Variants in IQGAP2 observed in about 807,000 individuals in gnomAD.
IQGAP2 encodes the protein IQ motif containing GTPase activating protein 2.
A neutral mutation model predicts 201.3 loss-of-function variants in IQGAP2; 173 were observed. The ratio of observed to expected loss-of-function variants is 0.86; its 90% confidence interval spans 0.76 to 0.98. The LOEUF is 0.98. Among genes scored for constraint, IQGAP2 ranks in the 50% least tolerant of loss-of-function variants. The probability of loss-of-function intolerance (pLI) is 0.00; values close to 1 mark genes in which losing one functional copy is unlikely to be tolerated. For synonymous variants in IQGAP2, 675 were observed against 673.9 expected (o/e 1.00, Z -0.03); for missense variants, 1,687 against 1,864.8 (o/e 0.90, Z 1.76).
intron 28 of IQGAP2, among the ~76,000 whole-genome samples, chr5:76,680,094 A>G (rs1745148399): frequency 6.6e-6 from 1 of 152,246 alleles, no homozygotes; most frequent in Non-Finnish European, 1.5e-5. Flanking sequence ...AAAGATTAGA[A>G]GAGAACGGAA....
chr5:76,446,092 G>A (rs544714277), intron 1 of IQGAP2, among the ~76,000 whole-genome samples: 4 of 152,200 alleles, frequency 2.6e-5, no homozygotes, highest in East Asian at 3.9e-4. Flanking sequence ...TTGTCTGTTC[G>A]TGGACTCTTG....
At chr5:76,464,953 A>G (rs1432664239) in intron 2 of IQGAP2, among the ~76,000 whole-genome samples, 2 of 152,196 alleles carry the variant, frequency 1.3e-5, no homozygotes, top group Non-Finnish European at 2.9e-5. Flanking sequence ...AAAACTTCCC[A>G]CAAACCCAGA....
intron 13 of IQGAP2, among the ~76,000 whole-genome samples, chr5:76,623,936 C>CGTTTTT (rs370694244): frequency 6.9e-5 from 7 of 100,782 alleles, no homozygotes; most frequent in Non-Finnish European, 1.1e-4. Context: ...TTTGTTCAGG[C>CGTTTTT]TTTTTTTTTT....
At chr5:76,669,301 G>A (rs1385859133) in intron 23 of IQGAP2, among the ~76,000 whole-genome samples, 1 of 152,178 alleles carries the variant, frequency 6.6e-6, no homozygotes, top group African/African-American at 2.4e-5. Context: ...TGAGAAACAA[G>A]CATGAGAAAT....
chr5:76,650,828 A>G (rs62362962), intron 17 of IQGAP2, among the ~76,000 whole-genome samples: 19,215 of 152,212 alleles, frequency 0.13, 1,496 homozygotes, highest in Middle Eastern at 0.23. Context: ...CTGCAATTGC[A>G]GTGTCTCTAG....
At chr5:76,510,501 C>G in intron 2 of IQGAP2, 2 of 356,292 alleles carry the variant, frequency 5.6e-6, no homozygotes, top group Admixed American at 3.3e-5. Context: ...CAGGCTGCAT[C>G]TCCCGTGGTG....
intron 2 of IQGAP2, among the ~76,000 whole-genome samples, chr5:76,486,798 A>T (rs10942783): frequency 6.6e-6 from 1 of 152,088 alleles, no homozygotes; most frequent in Non-Finnish European, 1.5e-5. Context: ...GTTTTGTTTG[A>T]CACTGTAGCC....
intron 5 of IQGAP2, among the ~76,000 whole-genome samples, chr5:76,588,064 T>C (rs1746374486): frequency 6.6e-6 from 1 of 152,178 alleles, no homozygotes. Context: ...AAAAGCTTGA[T>C]CTTGAACTTT....
intron 21 of IQGAP2, among the ~76,000 whole-genome samples, chr5:76,661,003 T>A (rs1743202592): frequency 6.6e-6 from 1 of 152,220 alleles, no homozygotes; most frequent in Non-Finnish European, 1.5e-5. Context: ...TAAGGTAGTA[T>A]GATTTCTTTT....
chr5:76,633,402 CA>C lies in IQGAP2; in HGVS notation c.1780+1377del, dbSNP rs1750863505. 2.6e-5 allele frequency among the ~76,000 whole-genome samples: 4 copies of C among 152,150 alleles called. No individual in the cohort carries two copies. The East Asian group carries it at 7.7e-4, about 29-fold the overall frequency. On this transcript the variant is annotated intron_variant, in intron 15 of 35. Transcript: ENST00000274364. ...TTCAACAATTTTTTGTAGTTTTCTG[CA>C]TATAAGGCTTGCATTTGTTTCATTA...
At position 76,593,013 on chromosome 5, in the gene IQGAP2, A is replaced by G. The variant is rs181533828; in HGVS notation, c.907+88A>G. Reference sequence around the variant, plus strand: ...AATCCCAACACAACTCTCAATTTGTATACTTGGAAAACTGCCTTATACAAT... The same window carrying G: ...AATCCCAACACAACTCTCAATTTGTGTACTTGGAAAACTGCCTTATACAAT... On this transcript the variant is annotated intron_variant, in intron 9 of 35. Coordinates refer to ENST00000274364, the MANE Select transcript of IQGAP2 (RefSeq NM_006633.5). The G allele has an allele frequency of 1.5e-4, 137 of 918,980 alleles. No individual in the cohort carries two copies. In the African/African-American group the frequency reaches 1.9e-3, roughly 13 times the overall value. The allele number at this position is 918,980 out of a possible 1,614,324, so 56.9% of individuals were successfully genotyped here.
chr5:76,664,880 G>C (rs898279691), intron 21 of IQGAP2, 146 bp from the exon 22 acceptor site: 1 of 540,248 alleles, frequency 1.9e-6, no homozygotes, highest in Non-Finnish European at 3.3e-6. Flanking sequence ...AAAAAAATGC[G>C]GTATCTGTGA....
At chr5:76,685,744 A>G (rs1358052164) in intron 30 of IQGAP2, among the ~76,000 whole-genome samples, 1 of 152,108 alleles carries the variant, frequency 6.6e-6, no homozygotes, top group Admixed American at 6.5e-5. Context: ...TTTAATCACC[A>G]CACTATGTAG....
intron 32 of IQGAP2, among the ~76,000 whole-genome samples, chr5:76,696,191 G>A (rs150649165): frequency 3.9e-5 from 6 of 152,256 alleles, no homozygotes; most frequent in African/African-American, 1.4e-4. Context: ...AAATGTACTT[G>A]ACAAGTTTGG....
chr5:76,627,608 T>G (rs775238324), intron 14 of IQGAP2, 108 bp downstream of exon 14: 3 of 708,172 alleles, frequency 4.2e-6, no homozygotes, highest in Non-Finnish European at 7.5e-6. Context: ...TTACCAAGTT[T>G]TAGTTCTTGG....
At chr5:76,551,726 T>C (rs10044679) in intron 2 of IQGAP2, among the ~76,000 whole-genome samples, 85,461 of 151,604 alleles carry the variant, frequency 0.56, 25,172 homozygotes, top group East Asian at 0.77. Context: ...TGGCTGCGCG[T>C]GCCTGCAATC....
At chr5:76,538,455 G>A (rs149326972) in intron 2 of IQGAP2, among the ~76,000 whole-genome samples, 1 of 152,340 alleles carries the variant, frequency 6.6e-6, no homozygotes, top group East Asian at 1.9e-4. Flanking sequence ...TCCATGGAGA[G>A]TGGCCATGAG....
chr5:76,668,459 TATC>T (rs1263203330), intron 22 of IQGAP2, among the ~76,000 whole-genome samples: 1 of 151,782 alleles, frequency 6.6e-6, no homozygotes, highest in East Asian at 1.9e-4. Context: ...AGTTATATAA[TATC>T]AGTCTATAGG....
Position 76,654,265 on chromosome 5 carries a change from A to C in IQGAP2, c.2244A>C (p.Arg748Ser), listed in dbSNP as rs1408972310. The C allele has an allele frequency of 6.2e-7, 1 of 1,601,996 alleles. No homozygotes were observed. The highest frequency in any genetic ancestry group is 8.5e-7 in the Non-Finnish European group (1 of 1,172,174). ...KSYLSRLQYF[R>S]DHNNEIVKIQ... ...ATCTTTCAAGACTACAGTATTTCAG[A>C]GATCATGTAAGAAAAATGCCTGTGG... Residue 748 changes from arginine to serine, a missense_variant, in exon 19 of 36, where the codon AGA (arginine) becomes AGC (serine). Arg to Ser is a moderately radical substitution (Grantham distance 110). Transcript: ENST00000274364.
Sources: gnomAD v4.1 joint callset for allele counts (sites outside exome capture counted in the v4.1 genomes callset) on GRCh38, gnomAD v4.1.1 for gene constraint, MANE v1.5 for transcripts, NCBI Gene and HGNC (gene_info 2026-07-23, HGNC 2026-07-21) for gene names.